The following ATR variants were observed in gnomAD, a reference collection of about 807,000 sequenced individuals.
ATR encodes the protein serine/threonine-protein kinase ATR.
A neutral mutation model predicts 305.3 loss-of-function variants in ATR; 142 were observed. The ratio of observed to expected loss-of-function variants is 0.47; its 90% CI spans 0.41 to 0.53. ATR has a LOEUF of 0.53. ATR is among the 20% of genes least tolerant of loss of function. The pLI, the probability that ATR is intolerant of heterozygous loss-of-function variation, is 0.00. For synonymous variants in ATR, 1,050 were observed against 1,068.1 expected, an observed-to-expected ratio of 0.98 and a Z score of 0.33; for missense variants, 2,135 against 3,133.1, an observed-to-expected ratio of 0.68 and a Z score of 7.60.
At chr3:142,540,823 C>CT (rs2034023597) in intron 18 of ATR, 81 bp downstream of exon 18, 2 of 1,481,054 alleles carry the variant, frequency 1.4e-6, no homozygotes, top group Non-Finnish European at 1.8e-6. Context: ...CCCAATTTCC[C>CT]TCAAAGAGAT....
At chr3:142,513,747 A>T (rs2032712314) in intron 25 of ATR, 109 bp from the exon 26 acceptor site, 1 of 1,205,580 alleles carries the variant, frequency 8.3e-7, no homozygotes, top group Non-Finnish European at 1.1e-6. Context: ...TTTTAAATTT[A>T]AAAAGTTTTT....
rs2071208734 is a variant in ATR, at chr3:142,469,548, T to C, written c.6341A>G (p.Gln2114Arg). The C allele has an allele frequency of 2.3e-5, 37 of 1,613,676 alleles. No individual in the cohort carries two copies. Among genetic ancestry groups the C allele is most frequent in the Non-Finnish European group, 3.1e-5 (36 of 1,179,784 alleles). ...WEKAGRSDRVQMRNDLGKINK... is the reference protein window; with the variant it reads ...WEKAGRSDRVRMRNDLGKINK... ...TATTTTACCCAAATCATTCCTCATT[T>C]GTACACGATCGGAGCGGCCAGCTGG... Residue 2114 changes from glutamine to arginine, a missense_variant, in exon 38 of 47, where the codon CAA (glutamine) becomes CGA (arginine). By Grantham distance (43) the Gln-to-Arg change is conservative. Transcript: ENST00000350721.
At position 142,491,899 on chromosome 3, in the gene ATR, C is replaced by T. The variant is rs560608429; in HGVS notation, c.6078+1233G>A. Among the ~76,000 whole-genome samples, 3 of 152,292 alleles carry T rather than the reference C, an allele frequency of 2.0e-5. No homozygotes were observed. In the South Asian group the frequency reaches 6.2e-4, roughly 32 times the overall value. ...AACTTATGGAGCCTATATACAATAG[C>T]TGTTTTTAAATCCTGTCATTTCTAG... On this transcript the variant is annotated intron_variant, in intron 35 of 46. Transcript: ENST00000350721.
At position 142,459,298 on chromosome 3, in the gene ATR, T is replaced by G. The variant is rs2108261647; in HGVS notation, c.7278A>C (p.Glu2426Asp). ...TAGGAGGATGCCTGGGCAGGAGAAA[T>G]TCTCGGAATACTTTGAGTTTTTCAG... ...ALSEKLKVFR[E>D]FLLPRHPPIF... Residue 2426 changes from glutamate to aspartate, a missense_variant, in exon 43 of 47, where the codon GAA becomes GAC. Transcript: ENST00000350721. The G allele has an allele frequency of 1.2e-6, 2 of 1,613,946 alleles. No individual in the cohort carries two copies. The highest frequency in any genetic ancestry group is 1.7e-6 in the Non-Finnish European group (2 of 1,179,848).
chr3:142,550,317 AT>A lies in ATR; in HGVS notation c.2806-16del. 1 of 1,613,040 alleles carries A rather than the reference AT, an allele frequency of 6.2e-7. No homozygotes were observed. The highest frequency in any genetic ancestry group is 8.5e-7 in the Non-Finnish European group (1 of 1,179,046). ...TCTACCAAAAACTAGAGCAAAAACC[AT>A]TTTATTGTGAGTTTTCACACAAAGA... On this transcript the variant is annotated splice_polypyrimidine_tract_variant and intron_variant, in intron 13 of 46. Transcript: ENST00000350721.
Position 142,566,276 on chromosome 3 carries a change from T to G in ATR, c.152-15A>C. 6.2e-7 allele frequency: 1 copy of G among 1,612,528 alleles called. No individual in the cohort carries two copies. The highest frequency in any genetic ancestry group is 8.5e-7 in the Non-Finnish European group (1 of 1,178,606). ...TTCTACAGCAACTAAAACAATAAGA[T>G]TCATTTTAAAGAGTCATGACAAATT... On this transcript the variant is annotated splice_polypyrimidine_tract_variant and intron_variant, in intron 2 of 46. Transcript: ENST00000350721.
chr3:142,566,356 C>T (rs2108495044), intron 2 of ATR, 95 bp from the exon 3 acceptor site: 1 of 1,353,070 alleles, frequency 7.4e-7, no homozygotes, highest in East Asian at 2.4e-5. Context: ...AGGTGCCTCA[C>T]TCCTGTAACC....
intron 36 of ATR, among the ~76,000 whole-genome samples, chr3:142,476,050 T>C (rs2108291516): frequency 6.6e-6 from 1 of 152,366 alleles, no homozygotes; most frequent in East Asian, 1.9e-4. Context: ...AAGTTGCCTG[T>C]TCACTCTGAT....
intron 30 of ATR, 106 bp from the exon 31 acceptor site, chr3:142,499,824 A>G (rs2031859945): frequency 1.1e-6 from 1 of 895,328 alleles, no homozygotes; most frequent in Non-Finnish European, 1.7e-6. Context: ...TTGAATTTGC[A>G]TTATATTGTA....
intron 30 of ATR, among the ~76,000 whole-genome samples, chr3:142,500,902 A>C (rs571334343): frequency 3.3e-5 from 5 of 152,320 alleles, no homozygotes; most frequent in African/African-American, 1.2e-4. Context: ...GGGATAACAG[A>C]TTATCTATGG....
intron 30 of ATR, among the ~76,000 whole-genome samples, chr3:142,501,868 C>T (rs1295560270): frequency 6.6e-6 from 1 of 152,130 alleles, no homozygotes; most frequent in Non-Finnish European, 1.5e-5. Flanking sequence ...CCTCAGTCTC[C>T]CGAGTAGCTG....
chr3:142,471,672 CAT>C (rs963983814), intron 36 of ATR, among the ~76,000 whole-genome samples: 12 of 152,104 alleles, frequency 7.9e-5, no homozygotes, highest in African/African-American at 2.9e-4. Context: ...TGTTTTGAAA[CAT>C]GTATACATTG....
At chr3:142,518,599 C>T (rs1039675446) in intron 24 of ATR, among the ~76,000 whole-genome samples, 1 of 152,070 alleles carries the variant, frequency 6.6e-6, no homozygotes, top group African/African-American at 2.4e-5. Context: ...TTTAATAATG[C>T]TAGTCATAAG....
At chr3:142,516,977 C>T (rs892197943) in intron 24 of ATR, among the ~76,000 whole-genome samples, 3 of 122,608 alleles carry the variant, frequency 2.4e-5, no homozygotes, top group African/African-American at 7.7e-5. Context: ...AAGTCTTATA[C>T]CCAAATAATA....
In ATR at chr3:142,498,170, T is replaced by A. The variant is rs114672841; in HGVS notation, c.5558+427A>T. ...ACCTAAAATGTTTTCCAACATTTTC[T>A]TCTTCACCTATAAAAGTTAATATTC... On this transcript the variant is annotated intron_variant, in intron 32 of 46. Transcript: ENST00000350721. Among the ~76,000 whole-genome samples the A allele has an allele frequency of 3.9e-3, 594 of 152,368 alleles. 1 individual carries two copies. Among genetic ancestry groups the A allele is most frequent in the Non-Finnish European group, 5.9e-3 (402 of 68,038 alleles).
At position 142,481,093 on chromosome 3, in the gene ATR, C is replaced by G. The variant is rs1425225811; in HGVS notation, c.6221+4047G>C. The stretch of plus-strand genomic sequence containing the variant: ...ATGCTCGGTGCGCTGCACCCACTGT[C>G]CTGCACCCACTGTCTGACAAGCCCC... On this transcript the variant is annotated intron_variant, in intron 36 of 46. Coordinates refer to ENST00000350721, the MANE Select transcript of ATR (RefSeq NM_001184.4). Among the ~76,000 whole-genome samples, 3 of 152,248 alleles carry G rather than the reference C, an allele frequency of 2.0e-5. No individual in the cohort carries two copies. In the South Asian group the frequency reaches 6.2e-4, roughly 32 times the overall value.
intron 39 of ATR, among the ~76,000 whole-genome samples, chr3:142,466,831 A>T (rs1379718053): frequency 6.6e-6 from 1 of 152,198 alleles, no homozygotes; most frequent in African/African-American, 2.4e-5. Flanking sequence ...GTGTTTGATT[A>T]TGGGATACTC....
intron 38 of ATR, 132 bp downstream of exon 38, chr3:142,469,205 A>C: frequency 1.5e-6 from 1 of 653,992 alleles, no homozygotes; most frequent in South Asian, 2.6e-5. Flanking sequence ...TCTTTAAAAA[A>C]ATATTTAAAA....
rs1417133084 is a variant in ATR at position 142,522,714 on chromosome 3, A to T, written c.4266+14T>A. 1 of 1,579,052 alleles carries T rather than the reference A, an allele frequency of 6.3e-7. No homozygotes were observed. Among genetic ancestry groups the T allele is most frequent in the African/African-American group, 1.3e-5 (1 of 74,184 alleles). On this transcript the variant is annotated intron_variant, in intron 23 of 46. Coordinates refer to ENST00000350721, the MANE Select transcript of ATR (RefSeq NM_001184.4). ...AAACAATTTAAAGCCAGTAATGACTATATCCACTCTTACCTGAATGGCATA... is the reference window on the plus strand; with the variant it reads ...AAACAATTTAAAGCCAGTAATGACTTTATCCACTCTTACCTGAATGGCATA...
Sources: gnomAD v4.1 joint callset for allele counts (sites outside exome capture counted in the v4.1 genomes callset) on GRCh38, gnomAD v4.1.1 for gene constraint, MANE v1.5 for transcripts, NCBI Gene and HGNC (gene_info 2026-07-23, HGNC 2026-07-21) for gene names.